Variants in NEGR1 observed in about 807,000 individuals in gnomAD.
The protein encoded by NEGR1 is neuronal growth regulator 1.
A neutral mutation model predicts 40.9 loss-of-function variants in NEGR1; 10 were observed. The observed-to-expected ratio is 0.24, with a 90% CI of 0.15 to 0.42. The LOEUF is 0.42. NEGR1 is among the 10% of genes least tolerant of loss of function. NEGR1 has a pLI of 1.00. For missense variants in NEGR1, 352 were observed against 438.9 expected, an observed-to-expected ratio of 0.80 and a Z score of 1.77; for synonymous variants, 185 against 166.8, an observed-to-expected ratio of 1.11 and a Z score of -0.84.
chr1:71,948,298 T>C (rs1283473617), intron 1 of NEGR1, among the ~76,000 whole-genome samples: 8 of 152,100 alleles, frequency 5.3e-5, no homozygotes, highest in Admixed American at 5.2e-4. Flanking sequence ...ATTTAGTCAA[T>C]ATTTATGTAC....
At position 72,153,409 on chromosome 1, in the gene NEGR1, G is replaced by A. The variant is rs549861700; in HGVS notation, c.176+128910C>T. 8.9e-4 allele frequency among the ~76,000 whole-genome samples: 135 copies of A among 151,946 alleles called. 4 individuals are homozygous for A. The South Asian group carries it at 0.027, about 31-fold the overall frequency. On this transcript the variant is annotated intron_variant, in intron 1 of 6. Coordinates refer to ENST00000357731, the MANE Select transcript of NEGR1 (RefSeq NM_173808.3). ...ATATATTGTTTCCAAACTGTATCAT[G>A]ATAGCAGTATTTTTTAAATACAAAG...
intron 2 of NEGR1, among the ~76,000 whole-genome samples, chr1:71,828,463 T>C (rs559340801): frequency 4.5e-4 from 68 of 152,014 alleles, no homozygotes; most frequent in Non-Finnish European, 7.4e-4. Flanking sequence ...TGTTGCTATA[T>C]AGGTTTTTGA....
intron 1 of NEGR1, among the ~76,000 whole-genome samples, chr1:72,140,473 G>A (rs1405617668): frequency 1.3e-5 from 2 of 151,884 alleles, no homozygotes; most frequent in Non-Finnish European, 2.9e-5. Flanking sequence ...AGCAAGAAGG[G>A]TCCAAAGTCT....
At chr1:72,242,388 G>T (rs1203053210) in intron 1 of NEGR1, among the ~76,000 whole-genome samples, 2 of 151,412 alleles carry the variant, frequency 1.3e-5, no homozygotes, top group Non-Finnish European at 3.0e-5. Flanking sequence ...TTCATTAATA[G>T]AATTTTAGTA....
Position 71,906,088 on chromosome 1 carries a change from TGATAAA to T in NEGR1, c.409+28985_409+28990del, listed in dbSNP as rs200311301. On this transcript the variant is annotated intron_variant, in intron 2 of 6. Transcript: ENST00000357731. ...TCTTTACTTTGCTTCTGGATTCAGC[TGATAAA>T]GCCCCCTACTCATGCTGCTAAAACG... 5.7e-3 allele frequency among the ~76,000 whole-genome samples: 873 copies of T among 152,252 alleles called. 4 individuals carry two copies. Among genetic ancestry groups the T allele is most frequent in the African/African-American group, 0.02 (826 of 41,556 alleles).
chr1:71,870,966 T>C (rs556631292), intron 2 of NEGR1, among the ~76,000 whole-genome samples: 2 of 152,300 alleles, frequency 1.3e-5, no homozygotes, highest in South Asian at 2.1e-4. Flanking sequence ...AATACTTTCT[T>C]TGTAAGAATC....
chr1:71,458,713 G>A (rs1256114545), intron 6 of NEGR1, among the ~76,000 whole-genome samples: 2 of 152,110 alleles, frequency 1.3e-5, no homozygotes, highest in Non-Finnish European at 2.9e-5. Context: ...CTGAATTAAG[G>A]AATCTGACTT....
chr1:71,921,989 A>G (rs578150897), intron 2 of NEGR1, among the ~76,000 whole-genome samples: 1 of 152,242 alleles, frequency 6.6e-6, no homozygotes, highest in South Asian at 2.1e-4. Flanking sequence ...ATACGTGATG[A>G]AAGTCTAAGA....
At chr1:71,625,087 T>C (rs1304197503) in intron 4 of NEGR1, among the ~76,000 whole-genome samples, 1 of 152,060 alleles carries the variant, frequency 6.6e-6, no homozygotes. Context: ...CATTTTGATG[T>C]AGGCCAAAAA....
chr1:72,095,377 G>T (rs1400625511), intron 1 of NEGR1, among the ~76,000 whole-genome samples: 1 of 151,620 alleles, frequency 6.6e-6, no homozygotes, highest in East Asian at 1.9e-4. Flanking sequence ...AATTCTTTTG[G>T]ACAAATTTAC....
chr1:72,080,534 A>G (rs575192408), intron 1 of NEGR1, among the ~76,000 whole-genome samples: 4 of 152,254 alleles, frequency 2.6e-5, no homozygotes, highest in African/African-American at 7.2e-5. Flanking sequence ...CTATATTTAA[A>G]TTTTCTAAAA....
At chr1:72,205,398 T>C (rs919578370) in intron 1 of NEGR1, among the ~76,000 whole-genome samples, 1 of 151,702 alleles carries the variant, frequency 6.6e-6, no homozygotes, top group African/African-American at 2.4e-5. Context: ...ATCTAGAGAT[T>C]GCCTTGGTAA....
chr1:71,958,838 C>T (rs1255887882), intron 1 of NEGR1, among the ~76,000 whole-genome samples: 2 of 151,764 alleles, frequency 1.3e-5, no homozygotes, highest in African/African-American at 2.4e-5. Flanking sequence ...GCCTGTAATC[C>T]CAGCTACTTG....
chr1:71,698,866 G>T (rs1440971142), intron 3 of NEGR1, among the ~76,000 whole-genome samples: 1 of 151,802 alleles, frequency 6.6e-6, no homozygotes, highest in Non-Finnish European at 1.5e-5. Flanking sequence ...AAGAAAGACT[G>T]CCCCCAAATG....
At chr1:71,888,010 C>G (rs904927947) in intron 2 of NEGR1, among the ~76,000 whole-genome samples, 3 of 151,384 alleles carry the variant, frequency 2.0e-5, no homozygotes, top group African/African-American at 7.3e-5. Context: ...CACACACACA[C>G]ACACACACAC....
At chr1:72,127,463 CAAAA>C (rs56301492) in intron 1 of NEGR1, among the ~76,000 whole-genome samples, 3 of 39,292 alleles carry the variant, frequency 7.6e-5, no homozygotes, top group Non-Finnish European at 9.0e-5. Context: ...GGCTCTGTCT[CAAAA>C]AAAAAAAAAA....
At chr1:72,090,800 G>A (rs1648452426) in intron 1 of NEGR1, among the ~76,000 whole-genome samples, 1 of 152,036 alleles carries the variant, frequency 6.6e-6, no homozygotes, top group African/African-American at 2.4e-5. Flanking sequence ...AGAGAGCTGT[G>A]GGGTTTTGAG....
intron 5 of NEGR1, among the ~76,000 whole-genome samples, chr1:71,597,955 G>C (rs187804019): frequency 4.7e-4 from 71 of 152,126 alleles, no homozygotes; most frequent in Admixed American, 2.7e-3. Flanking sequence ...ATAATGTTTC[G>C]TGTTACGAGT....
At chr1:72,082,125 C>T (rs1300226751) in intron 1 of NEGR1, among the ~76,000 whole-genome samples, 1 of 152,022 alleles carries the variant, frequency 6.6e-6, no homozygotes, top group Non-Finnish European at 1.5e-5. Flanking sequence ...CATTTTCCAA[C>T]CAAAAGAAGA....
Sources: gnomAD v4.1 joint callset for allele counts (sites outside exome capture counted in the v4.1 genomes callset) on GRCh38, gnomAD v4.1.1 for gene constraint, MANE v1.5 for transcripts, NCBI Gene and HGNC (gene_info 2026-07-23, HGNC 2026-07-21) for gene names.